ZNF536: variants seen among roughly 807,000 people sequenced by gnomAD.
The protein encoded by ZNF536 is zinc finger protein 536.
Under a neutral mutation model 84.5 loss-of-function variants are expected in ZNF536, and 13 were observed. The ratio of observed to expected loss-of-function variants is 0.15; its 90% confidence interval spans 0.10 to 0.24. The LOEUF (loss-of-function observed/expected upper bound fraction) is 0.24. Among genes scored for constraint, ZNF536 ranks in the 10% least tolerant of loss-of-function variants. The pLI is 1.00. For synonymous variants in ZNF536, 811 were observed against 742.5 expected, an observed-to-expected ratio of 1.09 and a Z score of -1.50; for missense variants, 1,536 against 1,747.5, an observed-to-expected ratio of 0.88 and a Z score of 2.16.
chr19:30,544,959 A>G (rs2045482959), intron 3 of ZNF536, among the ~76,000 whole-genome samples: 1 of 152,056 alleles, frequency 6.6e-6, no homozygotes, highest in South Asian at 2.1e-4. Flanking sequence ...ATTCTCAAAT[A>G]CCTCCTGAGG....
chr19:30,564,665 C>T lies in ZNF536; in HGVS notation c.169+15151C>T, dbSNP rs151242673. Among the ~76,000 whole-genome samples the T allele has an allele frequency of 1.4e-3, 216 of 152,246 alleles. 3 individuals carry two copies. Among genetic ancestry groups the T allele is most frequent in the African/African-American group, 4.9e-3 (202 of 41,558 alleles). On this transcript the variant is annotated intron_variant, in intron 1 of 1. Coordinates refer to the ZNF536 transcript ENST00000592773. ...CTGGAGCTCCAGCAGTGCCTCCTCC[C>T]GCTTGCTCCACTCCCACCGCCAGTT...
chr19:30,227,864 G>C (rs1043015472), upstream of ZNF536, among the ~76,000 whole-genome samples: 4 of 150,410 alleles, frequency 2.7e-5, no homozygotes, highest in Non-Finnish European at 1.5e-5. Context: ...CGGTGTAGAG[G>C]CGCGGAGGGG....
At position 30,406,915 on chromosome 19, in the gene ZNF536, A is replaced by G. The variant is rs1048964595; in HGVS notation, c.-3+34359A>G. 2.6e-5 allele frequency among the ~76,000 whole-genome samples: 4 copies of G among 152,248 alleles called. No individual in the cohort carries two copies. The South Asian group carries it at 6.2e-4, about 24-fold the overall frequency. The stretch of plus-strand genomic sequence containing the variant: ...AAAGAGATGCGAGCAGAGGAGATCC[A>G]CAGAGTAGACAGAGGGCATCCCCAA... On this transcript the variant is annotated intron_variant, in intron 1 of 4. Coordinates refer to ENST00000355537, the MANE Select transcript of ZNF536 (RefSeq NM_014717.3).
chr19:30,643,449 T>C (rs558074737), intron 1 of ZNF536, among the ~76,000 whole-genome samples: 1 of 152,338 alleles, frequency 6.6e-6, no homozygotes, highest in South Asian at 2.1e-4. Context: ...AATCACCTTG[T>C]CCTAAACTTT....
chr19:30,435,460 G>A (rs971293480), intron 1 of ZNF536, among the ~76,000 whole-genome samples: 1 of 151,358 alleles, frequency 6.6e-6, no homozygotes, highest in African/African-American at 2.4e-5. Flanking sequence ...GATGGTGATG[G>A]TAGTGATACT....
Position 30,378,112 on chromosome 19 carries a change from T to TGG in ZNF536, c.-3+5557_-3+5558dup, listed in dbSNP as rs998767983. ...ATGCCAAAATGGACTTGGCAATGAG[T>TGG]GGAGGCTTCTTAGTCGCCCCAGCCT... On this transcript the variant is annotated intron_variant, in intron 1 of 4. Coordinates refer to ENST00000355537, the MANE Select transcript of ZNF536 (RefSeq NM_014717.3). 5.2e-4 allele frequency among the ~76,000 whole-genome samples: 79 copies of TGG among 152,142 alleles called. 1 individual carries two copies. Among genetic ancestry groups the TGG allele is most frequent in the Non-Finnish European group, 5.9e-5 (4 of 68,020 alleles).
upstream of ZNF536, among the ~76,000 whole-genome samples, chr19:30,369,071 C>T (rs535283634): frequency 1.8e-4 from 27 of 152,248 alleles, no homozygotes; most frequent in African/African-American, 4.8e-4. Context: ...TCCACGCAGA[C>T]GCCACACTAC....
intron 1 of ZNF536, among the ~76,000 whole-genome samples, chr19:30,676,154 C>T (rs759408605): frequency 2.0e-5 from 3 of 152,140 alleles, no homozygotes; most frequent in Non-Finnish European, 4.4e-5. Context: ...ATGTGCTGGG[C>T]CAGAAATGCA....
chr19:30,403,108 G>A (rs1600581296), intron 1 of ZNF536, among the ~76,000 whole-genome samples: 1 of 152,060 alleles, frequency 6.6e-6, no homozygotes, highest in Non-Finnish European at 1.5e-5. Flanking sequence ...CGCTGCTGAC[G>A]AGCTGCACTT....
intron 1 of ZNF536, among the ~76,000 whole-genome samples, chr19:30,263,437 GCTC>G (rs1416856849): frequency 6.6e-6 from 1 of 152,118 alleles, no homozygotes; most frequent in Non-Finnish European, 1.5e-5. Flanking sequence ...CCCCCGACCA[GCTC>G]CTTTTATTAA....
chr19:30,235,279 C>A (rs1348269150), intron 1 of ZNF536, among the ~76,000 whole-genome samples: 1 of 152,214 alleles, frequency 6.6e-6, no homozygotes, highest in Non-Finnish European at 1.5e-5. Context: ...GCATTGGAAG[C>A]CAGCTGCATT....
chr19:30,636,573 G>A (rs2049074132), intron 1 of ZNF536, among the ~76,000 whole-genome samples: 1 of 152,254 alleles, frequency 6.6e-6, no homozygotes, highest in Admixed American at 6.5e-5. Context: ...CTTTCTGTCT[G>A]TTTAAACCCA....
At chr19:30,640,408 A>G (rs1388531614) in intron 1 of ZNF536, among the ~76,000 whole-genome samples, 1 of 152,230 alleles carries the variant, frequency 6.6e-6, no homozygotes, top group African/African-American at 2.4e-5. Flanking sequence ...AACTAAAACC[A>G]GATTTTCCTC....
intron 3 of ZNF536, among the ~76,000 whole-genome samples, chr19:30,357,990 C>G (rs769276532): frequency 2.6e-5 from 4 of 152,162 alleles, no homozygotes; most frequent in Admixed American, 6.5e-5. Flanking sequence ...GCAGACATCT[C>G]CTGTTCACTG....
chr19:30,229,102 C>T (rs2022818064), intron 1 of ZNF536, among the ~76,000 whole-genome samples: 1 of 152,056 alleles, frequency 6.6e-6, no homozygotes, highest in African/African-American at 2.4e-5. Flanking sequence ...CCCCATTATT[C>T]TAAGGTTTGT....
At chr19:30,516,052 G>A (rs114296386) in intron 2 of ZNF536, among the ~76,000 whole-genome samples, 2,245 of 148,448 alleles carry the variant, frequency 0.015, 67 homozygotes, top group African/African-American at 0.052. Flanking sequence ...AGAAAAAAAA[G>A]CAATAAAGAA....
intron 3 of ZNF536, among the ~76,000 whole-genome samples, chr19:30,356,404 C>T (rs889113965): frequency 6.6e-6 from 1 of 152,218 alleles, no homozygotes; most frequent in African/African-American, 2.4e-5. Context: ...TCAGCCCCTC[C>T]GTCCTGGTAC....
At chr19:30,362,859 G>C (rs1370117300) in intron 3 of ZNF536, among the ~76,000 whole-genome samples, 1 of 152,134 alleles carries the variant, frequency 6.6e-6, no homozygotes, top group Non-Finnish European at 1.5e-5. Flanking sequence ...GGGAGTTTGA[G>C]ACCAGCCTGG....
chr19:30,426,337 T>C (rs1171244182), intron 1 of ZNF536, among the ~76,000 whole-genome samples: 1 of 152,260 alleles, frequency 6.6e-6, no homozygotes, highest in Non-Finnish European at 1.5e-5. Context: ...GATGTCATGT[T>C]ACATCACATC....
Sources: gnomAD v4.1 joint callset for allele counts (sites outside exome capture counted in the v4.1 genomes callset) on GRCh38, gnomAD v4.1.1 for gene constraint, MANE v1.5 for transcripts, NCBI Gene and HGNC (gene_info 2026-07-23, HGNC 2026-07-21) for gene names.